CATSPER4: variants seen among roughly 807,000 people sequenced by gnomAD.
CATSPER4 encodes cation channel sperm associated 4.
In CATSPER4, 46 loss-of-function variants were observed where a neutral mutation model predicts 54.4. The observed-to-expected ratio is 0.84, with a 90% CI of 0.67 to 1.08. The LOEUF (loss-of-function observed/expected upper bound fraction) is 1.08. Among genes scored for constraint, CATSPER4 ranks in the 50% least tolerant of loss-of-function variants. The pLI is 0.00. For missense variants in CATSPER4, 574 were observed against 612.8 expected (o/e 0.94, Z 0.67); for synonymous variants, 230 against 231.9 (o/e 0.99, Z 0.08).
intron 9 of CATSPER4, 169 bp downstream of exon 9, chr1:26,201,688 TCC>T (rs374032177): frequency 8.3e-4 from 455 of 550,156 alleles, no homozygotes; most frequent in African/African-American, 6.5e-3. Flanking sequence ...TTTCTTTCTT[TCC>T]TTTTTTTTTT....
Position 26,190,805 on chromosome 1 carries a change from G to A in CATSPER4, c.178G>A (p.Val60Met). 1 of 1,612,800 alleles carries A rather than the reference G, an allele frequency of 6.2e-7. No homozygotes were observed. The highest frequency in any genetic ancestry group is 1.7e-5 in the Admixed American group (1 of 59,826). Residue 60 changes from valine (V) to methionine (M), a missense_variant, in exon 1 of 10, where the codon GTG becomes ATG. By Grantham distance (21) the Val-to-Met change is conservative. Transcript: ENST00000456354. ...GTCCTACGGTCGGCCAGAGGAGCAA[G>A]TGCTCATCAACCGCCAGGAAATCAC... ...HESYGRPEEQ[V>M]LINRQEITNK...
At chr1:26,202,424 T>A (rs1270696254) in intron 9 of CATSPER4, 65 bp from the exon 10 acceptor site, 1 of 1,412,036 alleles carries the variant, frequency 7.1e-7, no homozygotes, top group Non-Finnish European at 9.9e-7. Context: ...CTGGAGGAGG[T>A]GAGTAACGGA....
At position 26,202,811 on chromosome 1, in the gene CATSPER4, G is replaced by A. The variant is rs1285224269; in HGVS notation, c.*269G>A. 18 of 536,114 alleles carry A rather than the reference G, an allele frequency of 3.4e-5. No homozygotes were observed. Among genetic ancestry groups the A allele is most frequent in the South Asian group, 2.4e-4 (11 of 46,572 alleles). 33.2% of individuals were successfully genotyped at this position (536,114 alleles called of 1,614,324 possible). A position where few individuals can be genotyped will look rare whatever the true frequency, so the allele number is the denominator to read the frequency against. On this transcript the variant is annotated 3_prime_UTR_variant, in exon 10 of 10. Transcript: ENST00000456354. ...AGCACAGAAGGGGGTGCTGGCCAACGCAGCCAGGATTTGACCTAAGGATGG... is the reference window on the plus strand; with the variant it reads ...AGCACAGAAGGGGGTGCTGGCCAACACAGCCAGGATTTGACCTAAGGATGG...
chr1:26,195,506 C>CA (rs1553155165), intron 3 of CATSPER4, among the ~76,000 whole-genome samples: 15 of 142,210 alleles, frequency 1.1e-4, no homozygotes, highest in Non-Finnish European at 2.0e-4. Context: ...TTTTCTTTTT[C>CA]TTTTTTTTTT....
In CATSPER4 at chr1:26,193,845, A is replaced by G; in HGVS notation, c.416A>G (p.Glu139Gly). Residue 139 changes from glutamate (E) to glycine (G), a missense_variant, in exon 3 of 10, where the codon GAG (glutamate) becomes GGG (glycine). Glu to Gly is a moderately conservative substitution (Grantham distance 98). Coordinates refer to ENST00000456354, the MANE Select transcript of CATSPER4 (RefSeq NM_198137.2). Reference protein sequence around the residue: ...DDIVLTILLCEVLLGWLNGFW... With the variant: ...DDIVLTILLCGVLLGWLNGFW... ...ATTGTGCTGACCATCCTTCTTTGTG[A>G]GGTTCTCCTTGGCTGGCTCAATGGC... is the stretch of plus-strand genomic sequence containing the variant. The G allele has an allele frequency of 1.2e-6, 2 of 1,613,968 alleles. No individual in the cohort carries two copies. The highest frequency in any genetic ancestry group is 1.7e-6 in the Non-Finnish European group (2 of 1,179,962).
At chr1:26,193,249 G>T (rs989529927) in intron 2 of CATSPER4, among the ~76,000 whole-genome samples, 2 of 152,026 alleles carry the variant, frequency 1.3e-5, no homozygotes. Context: ...ATCCATCCAG[G>T]GTGCATGTCC....
intron 3 of CATSPER4, among the ~76,000 whole-genome samples, chr1:26,194,498 G>A (rs148628882): frequency 2.6e-5 from 4 of 152,292 alleles, no homozygotes; most frequent in Non-Finnish European, 5.9e-5. Context: ...GCTGCTTTGT[G>A]TCTCCATGAT....
intron 6 of CATSPER4, among the ~76,000 whole-genome samples, chr1:26,199,494 G>A (rs1249307523): frequency 6.6e-6 from 1 of 150,872 alleles, no homozygotes; most frequent in Non-Finnish European, 1.5e-5. Context: ...AGCTACTTGG[G>A]AGGCTGAGGC....
rs137871653 is a variant in CATSPER4 at position 26,190,720 on chromosome 1, T to C, written c.93T>C (p.Phe31=). 1,122 of 1,613,476 alleles carry C rather than the reference T, an allele frequency of 7.0e-4. 2 individuals are homozygous for C. Among genetic ancestry groups the C allele is most frequent in the Non-Finnish European group, 7.2e-4 (853 of 1,179,926 alleles). ...WGGTQEDRMG[F]GGAVAALRGR... is the part of the protein sequence containing the mutation. ...GGACTCAGGAGGACCGTATGGGGTTTGGAGGGGCAGTAGCTGCACTGAGGG... is the reference window on the plus strand; with the variant it reads ...GGACTCAGGAGGACCGTATGGGGTTCGGAGGGGCAGTAGCTGCACTGAGGG... The change falls in exon 1 of 10, where the codon TTT becomes TTC. Residue 31 remains phenylalanine, a synonymous_variant. Transcript: ENST00000456354.
At chr1:26,193,980 GT>G (rs1240386846) in intron 3 of CATSPER4, 92 bp downstream of exon 3, 3 of 846,908 alleles carry the variant, frequency 3.5e-6, no homozygotes, top group Non-Finnish European at 6.2e-6. Context: ...AACTGAGGGT[GT>G]GAGTATGTGT....
intron 9 of CATSPER4, 140 bp downstream of exon 9, chr1:26,201,659 T>C (rs1055598142): frequency 2.1e-5 from 15 of 731,260 alleles, no homozygotes; most frequent in African/African-American, 3.6e-5. Flanking sequence ...CCCCTCCTTT[T>C]TTTTCTTTTT....
chr1:26,194,667 T>A (rs1461185977), intron 3 of CATSPER4, among the ~76,000 whole-genome samples: 1 of 152,220 alleles, frequency 6.6e-6, no homozygotes, highest in Non-Finnish European at 1.5e-5. Context: ...GATATATGGA[T>A]GGATCTGCAG....
intron 2 of CATSPER4, 133 bp downstream of exon 2, chr1:26,191,563 C>A: frequency 2.9e-6 from 3 of 1,045,582 alleles, no homozygotes; most frequent in South Asian, 2.7e-5. Flanking sequence ...TCAGCTCTGA[C>A]CTTCTAGGAA....
At chr1:26,198,546 G>A in intron 6 of CATSPER4, 127 bp downstream of exon 6, 2 of 1,229,776 alleles carry the variant, frequency 1.6e-6, no homozygotes, top group Non-Finnish European at 2.3e-6. Context: ...GGGGTTCCCA[G>A]GTCTTTAAAC....
At chr1:26,197,891 TG>T in intron 4 of CATSPER4, 65 bp from the exon 5 acceptor site, 3 of 1,550,310 alleles carry the variant, frequency 1.9e-6, no homozygotes, top group Non-Finnish European at 2.6e-6. Flanking sequence ...GGGCAGCTGG[TG>T]GGGGTAATGA....
rs762093417 is a variant in CATSPER4, at chr1:26,202,591, G to A, written c.*49G>A. ...GCCTGCACACACACACCCAGCCGCT[G>A]CGTCTTCCTGTGTCCTTAGTGTGGC... On this transcript the variant is annotated 3_prime_UTR_variant, in exon 10 of 10. Transcript: ENST00000456354. 1.3e-6 allele frequency: 2 copies of A among 1,538,120 alleles called. No individual in the cohort carries two copies. Among genetic ancestry groups the A allele is most frequent in the Non-Finnish European group, 1.8e-6 (2 of 1,120,740 alleles).
rs752834576 is a variant in CATSPER4 at position 26,191,289 on chromosome 1, C to A, written c.216C>A (p.Asp72Glu). The A allele has an allele frequency of 6.2e-7, 1 of 1,614,106 alleles. No homozygotes were observed. Among genetic ancestry groups the A allele is most frequent in the South Asian group, 1.1e-5 (1 of 91,074 alleles). ...INRQEITNKA[D>E]AWDMQEFITH... ...AGGAAGGTCCTGCCCTCTTCCAGGA[C>A]GCCTGGGACATGCAGGAGTTCATCA... Residue 72 changes from aspartate (D) to glutamate (E), a missense_variant and splice_region_variant, in exon 2 of 10, where the codon GAC (aspartate) becomes GAA (glutamate). Physicochemically the swap from Asp to Glu is conservative, Grantham distance 45. Transcript: ENST00000456354.
rs11247867 is a variant in CATSPER4, at chr1:26,191,400, C to T, written c.327C>T (p.Ile109=). The T allele has an allele frequency of 0.17, 278,571 of 1,613,834 alleles. 25,606 individuals are homozygous for T. Among genetic ancestry groups the T allele is most frequent in the African/African-American group, 0.21 (15,773 of 74,956 alleles). The stretch of plus-strand genomic sequence containing the variant: ...TGCTGGTGATCAATGCCATCACCAT[C>T]GCTCTCCGTACCAACTCCTACCTGG... The part of the protein sequence containing the change: ...ALLLVINAIT[I]ALRTNSYLDQ... Residue 109 remains isoleucine (I), a synonymous_variant, in exon 2 of 10, where the codon ATC becomes ATT. Transcript: ENST00000456354.
chr1:26,193,829 A>G lies in CATSPER4; in HGVS notation c.400A>G (p.Thr134Ala). 1.2e-6 allele frequency: 2 copies of G among 1,614,010 alleles called. No individual in the cohort carries two copies. Among genetic ancestry groups the G allele is most frequent in the Non-Finnish European group, 1.7e-6 (2 of 1,179,962 alleles). Reference sequence around the variant, plus strand: ...CTCTACCATAGATGACATTGTGCTGACCATCCTTCTTTGTGAGGTTCTCCT... The same window carrying G: ...CTCTACCATAGATGACATTGTGCTGGCCATCCTTCTTTGTGAGGTTCTCCT... ...LFSTIDDIVL[T>A]ILLCEVLLGW... Residue 134 changes from threonine to alanine, a missense_variant, in exon 3 of 10, where the codon ACC becomes GCC. Transcript: ENST00000456354.
Sources: gnomAD v4.1 joint callset for allele counts (sites outside exome capture counted in the v4.1 genomes callset) on GRCh38, gnomAD v4.1.1 for gene constraint, MANE v1.5 for transcripts, NCBI Gene and HGNC (gene_info 2026-07-23, HGNC 2026-07-21) for gene names.